GRIN3A: variants seen among roughly 807,000 people sequenced by gnomAD.
GRIN3A encodes the protein glutamate ionotropic receptor NMDA type subunit 3A.
In GRIN3A, 47 loss-of-function variants were observed where a neutral mutation model predicts 92.4. That is an observed-to-expected ratio of 0.51 (90% confidence interval 0.40 to 0.65). GRIN3A has a LOEUF of 0.65. Ranked by LOEUF, GRIN3A falls within the 30% of genes least tolerant of loss-of-function variation. The pLI, the probability that GRIN3A is intolerant of heterozygous loss-of-function variation, is 0.00. For synonymous variants in GRIN3A, 527 were observed against 540.6 expected, an observed-to-expected ratio of 0.97 and a Z score of 0.35; for missense variants, 1,324 against 1,393.1, an observed-to-expected ratio of 0.95 and a Z score of 0.79.
intron 3 of GRIN3A, among the ~76,000 whole-genome samples, chr9:101,642,949 T>G (rs544069729): frequency 6.6e-6 from 1 of 152,274 alleles, no homozygotes; most frequent in African/African-American, 2.4e-5. Flanking sequence ...GATTCTACAT[T>G]ATGATGAGTT....
At chr9:101,713,444 C>T (rs1410843266) in intron 1 of GRIN3A, among the ~76,000 whole-genome samples, 1 of 152,114 alleles carries the variant, frequency 6.6e-6, no homozygotes, top group Non-Finnish European at 1.5e-5. Flanking sequence ...AGATTTTGAA[C>T]CAGGAAGTCT....
chr9:101,685,357 T>C (rs1308661593), intron 2 of GRIN3A, among the ~76,000 whole-genome samples: 3 of 150,308 alleles, frequency 2.0e-5, no homozygotes, highest in Non-Finnish European at 4.4e-5. Context: ...TTGCCCATTA[T>C]CATGTCTTTT....
At chr9:101,723,808 T>C (rs1830045573) in intron 1 of GRIN3A, among the ~76,000 whole-genome samples, 1 of 152,096 alleles carries the variant, frequency 6.6e-6, no homozygotes, top group Admixed American at 6.5e-5. Context: ...AGACACTGGG[T>C]GCTGATTGGT....
At chr9:101,692,306 G>C (rs546188206) in intron 1 of GRIN3A, among the ~76,000 whole-genome samples, 11 of 152,184 alleles carry the variant, frequency 7.2e-5, no homozygotes, top group Non-Finnish European at 1.5e-4. Flanking sequence ...TTAGTAACAA[G>C]CTCCAGTACC....
intron 1 of GRIN3A, among the ~76,000 whole-genome samples, chr9:101,696,177 C>A (rs909840602): frequency 2.0e-5 from 3 of 152,148 alleles, no homozygotes; most frequent in Non-Finnish European, 4.4e-5. Flanking sequence ...CATTTTTCAA[C>A]TTTGAAAGGG....
chr9:101,578,647 C>G (rs1044804062), intron 7 of GRIN3A, among the ~76,000 whole-genome samples: 1 of 152,182 alleles, frequency 6.6e-6, no homozygotes, highest in East Asian at 1.9e-4. Flanking sequence ...AACGAGTGTG[C>G]TTGAGTCACC....
At chr9:101,620,890 T>C (rs893711915) in intron 5 of GRIN3A, among the ~76,000 whole-genome samples, 1 of 152,116 alleles carries the variant, frequency 6.6e-6, no homozygotes, top group Non-Finnish European at 1.5e-5. Flanking sequence ...TTGAGAGAAA[T>C]ATTTTCTCAA....
At chr9:101,619,239 G>C (rs1230676328) in intron 5 of GRIN3A, among the ~76,000 whole-genome samples, 1 of 152,158 alleles carries the variant, frequency 6.6e-6, no homozygotes, top group Non-Finnish European at 1.5e-5. Context: ...TTTGCAGTCT[G>C]TCCTTGGAAT....
At chr9:101,655,039 T>C (rs1829067141) in intron 3 of GRIN3A, among the ~76,000 whole-genome samples, 1 of 151,934 alleles carries the variant, frequency 6.6e-6, no homozygotes, top group African/African-American at 2.4e-5. Flanking sequence ...CTTAAAGTCA[T>C]TAGTCAATAT....
In GRIN3A at chr9:101,576,597, C is replaced by T. The variant is rs1827830735; in HGVS notation, c.3008+1171G>A. Among the ~76,000 whole-genome samples the T allele has an allele frequency of 3.3e-5, 5 of 152,262 alleles. No individual in the cohort carries two copies. The South Asian group carries it at 1.0e-3, about 32-fold the overall frequency. ...AATATTTTTTCATTGTAAGATGATACATTTGCTGCTATGTCTTCTTGTGTT... is the reference window on the plus strand; with the variant it reads ...AATATTTTTTCATTGTAAGATGATATATTTGCTGCTATGTCTTCTTGTGTT... On this transcript the variant is annotated intron_variant, in intron 8 of 8. Coordinates refer to ENST00000361820, the MANE Select transcript of GRIN3A (RefSeq NM_133445.3).
chr9:101,617,056 C>T lies in GRIN3A; in HGVS notation c.2615-3529G>A, dbSNP rs549559729. ...TCTACTAAAAATACAAAAAATTAGC[C>T]GGGCGTGGTGGCGGGCGCCTGTAGT... On this transcript the variant is annotated intron_variant, in intron 5 of 8. Coordinates refer to ENST00000361820, the MANE Select transcript of GRIN3A (RefSeq NM_133445.3). Among the ~76,000 whole-genome samples, 127 of 150,136 alleles carry T rather than the reference C, an allele frequency of 8.5e-4. 2 individuals are homozygous for T. The highest frequency in any genetic ancestry group is 6.9e-3 in the Middle Eastern group (2 of 290).
intron 5 of GRIN3A, among the ~76,000 whole-genome samples, chr9:101,617,623 TA>T (rs1342867546): frequency 7.6e-4 from 111 of 146,166 alleles, no homozygotes; most frequent in African/African-American, 2.9e-3. Context: ...TTATTTTATT[TA>T]TTTATTTTGT....
intron 8 of GRIN3A, among the ~76,000 whole-genome samples, chr9:101,573,773 A>ATTTT (rs5899448): frequency 2.2e-5 from 2 of 92,602 alleles, no homozygotes; most frequent in Admixed American, 1.2e-4. Context: ...GGTATGGTGC[A>ATTTT]TTTTTTTTTT....
Position 101,621,253 on chromosome 9 carries a change from C to T in GRIN3A, c.2614+2065G>A, listed in dbSNP as rs148596404. Among the ~76,000 whole-genome samples, 713 of 150,596 alleles carry T rather than the reference C, an allele frequency of 4.7e-3. 3 individuals are homozygous for T. Among genetic ancestry groups the T allele is most frequent in the Admixed American group, 0.01 (152 of 15,112 alleles). On this transcript the variant is annotated intron_variant, in intron 5 of 8. Coordinates refer to ENST00000361820, the MANE Select transcript of GRIN3A (RefSeq NM_133445.3). The stretch of plus-strand genomic sequence containing the variant: ...TGAGCTGAGATTGAGCCACTGCACT[C>T]CAGCCTGGATGATAGAGTGAGACTC...
rs374973136 is a variant in GRIN3A at position 101,728,847 on chromosome 9, G to A, written c.699+8434C>T. ...TCAATTTTGATATAGTCCGCATCCA[G>A]TAAAATATGGAGATTTTGCTTCATG... is the stretch of plus-strand genomic sequence containing the variant. On this transcript the variant is annotated intron_variant, in intron 1 of 8. Coordinates refer to ENST00000361820, the MANE Select transcript of GRIN3A (RefSeq NM_133445.3). Among the ~76,000 whole-genome samples, 12 of 152,306 alleles carry A rather than the reference G, an allele frequency of 7.9e-5. No individual in the cohort carries two copies. In the South Asian group the frequency reaches 1.5e-3, roughly 18 times the overall value.
At chr9:101,713,661 G>A (rs1829907997) in intron 1 of GRIN3A, among the ~76,000 whole-genome samples, 1 of 152,322 alleles carries the variant, frequency 6.6e-6, no homozygotes, top group South Asian at 2.1e-4. Context: ...AGGGGATTTA[G>A]CTAGCACATA....
At chr9:101,716,515 T>C (rs1829950119) in intron 1 of GRIN3A, among the ~76,000 whole-genome samples, 1 of 152,244 alleles carries the variant, frequency 6.6e-6, no homozygotes, top group Non-Finnish European at 1.5e-5. Context: ...ATGAATAGAA[T>C]GGATTATATT....
chr9:101,701,061 C>T (rs916936051), intron 1 of GRIN3A, among the ~76,000 whole-genome samples: 2 of 152,084 alleles, frequency 1.3e-5, no homozygotes, highest in Non-Finnish European at 2.9e-5. Flanking sequence ...ACAACTACCG[C>T]GAAACTTCTC....
At chr9:101,606,905 CATTTTTT>C (rs1180806734) in intron 6 of GRIN3A, among the ~76,000 whole-genome samples, 1 of 103,680 alleles carries the variant, frequency 9.6e-6, no homozygotes, top group African/African-American at 3.5e-5. Flanking sequence ...AAAAAAATTA[CATTTTTT>C]TTTTTTTTTT....
Sources: allele counts gnomAD v4.1 joint callset (sites outside exome capture counted in the v4.1 genomes callset), GRCh38; gene constraint gnomAD v4.1.1; transcripts MANE v1.5; gene names NCBI Gene and HGNC (gene_info 2026-07-23, HGNC 2026-07-21).